PGGT1B: variants seen among roughly 807,000 people sequenced by gnomAD.
The protein encoded by PGGT1B is protein geranylgeranyltransferase type I subunit beta.
Under a neutral mutation model 46.1 loss-of-function variants are expected in PGGT1B, and 30 were observed. That is an observed-to-expected ratio of 0.65 (90% CI 0.49 to 0.88). The LOEUF is 0.88. PGGT1B is among the 40% of genes least tolerant of loss of function. The pLI is 0.00. For missense variants in PGGT1B, 376 were observed against 455.9 expected (o/e 0.82, Z 1.60); for synonymous variants, 170 against 160.0 (o/e 1.06, Z -0.47).
chr5:115,228,815 A>C (rs1348901101), intron 6 of PGGT1B, among the ~76,000 whole-genome samples: 1 of 152,212 alleles, frequency 6.6e-6, no homozygotes, highest in Non-Finnish European at 1.5e-5. Context: ...TAATAGCTCA[A>C]ATGCTTCAAT....
chr5:115,234,789 G>A (rs1426035427), intron 5 of PGGT1B, among the ~76,000 whole-genome samples: 2 of 151,924 alleles, frequency 1.3e-5, no homozygotes, highest in East Asian at 3.9e-4. Context: ...GAGCCCTGTG[G>A]TGTTAAGACT....
chr5:115,243,959 C>T (rs562374599), intron 2 of PGGT1B, among the ~76,000 whole-genome samples: 1 of 152,272 alleles, frequency 6.6e-6, no homozygotes, highest in African/African-American at 2.4e-5. Flanking sequence ...CTCTGCAATT[C>T]CATGACGAAC....
Position 115,208,500 on chromosome 5 carries a change from T to C in PGGT1B, c.*3902A>G, listed in dbSNP as rs764265433. 9 of 152,070 alleles carry C rather than the reference T, an allele frequency of 5.9e-5. No homozygotes were observed. The highest frequency in any genetic ancestry group is 1.0e-4 in the Non-Finnish European group (7 of 67,964). 9.4% of individuals were successfully genotyped at this position (152,070 alleles called of 1,614,324 possible). ...AATTTGCATTTTTCTCAAAATAGTT[T>C]TTGAATTTATTGTGTAAAATTGCTC... On this transcript the variant is annotated 3_prime_UTR_variant, in exon 9 of 9. Coordinates refer to ENST00000419445, the MANE Select transcript of PGGT1B (RefSeq NM_005023.4).
At position 115,241,563 on chromosome 5, in the gene PGGT1B, C is replaced by A. The variant is rs749595801; in HGVS notation, c.303G>T (p.Leu101=). 1 of 1,607,804 alleles carries A rather than the reference C, an allele frequency of 6.2e-7. No individual in the cohort carries two copies. Among genetic ancestry groups the A allele is most frequent in the East Asian group, 2.3e-5 (1 of 44,444 alleles). The change falls in exon 3 of 9, where the codon CTG becomes CTT. Residue 101 remains leucine, a synonymous_variant. Coordinates refer to ENST00000419445, the MANE Select transcript of PGGT1B (RefSeq NM_005023.4). ...NRCGFRGSSY[L]GIPFNPSKAP... ...CCTTTGATGGATTGAACGGAATACC[C>A]AGGTATGAAGAGCCTCGGAAACCAC...
At chr5:115,218,693 G>A (rs929052466) in intron 7 of PGGT1B, among the ~76,000 whole-genome samples, 1 of 151,450 alleles carries the variant, frequency 6.6e-6, no homozygotes, top group Admixed American at 6.6e-5. Context: ...AAATTGAGAA[G>A]GAATGAAAGA....
chr5:115,261,350 AT>A (rs747883304), intron 1 of PGGT1B, among the ~76,000 whole-genome samples: 3 of 152,146 alleles, frequency 2.0e-5, no homozygotes, highest in Non-Finnish European at 4.4e-5. Context: ...AGCTCACATT[AT>A]TCAACAAATA....
chr5:115,222,677 T>C (rs1274027203), intron 6 of PGGT1B, among the ~76,000 whole-genome samples: 2 of 152,196 alleles, frequency 1.3e-5, no homozygotes, highest in African/African-American at 4.8e-5. Flanking sequence ...CATGTACACA[T>C]ATGTTTATTG....
In PGGT1B at chr5:115,262,773, G is replaced by A; in HGVS notation, c.79C>T (p.Arg27Ter). The A allele has an allele frequency of 1.2e-6, 2 of 1,613,470 alleles. No individual in the cohort carries two copies. Among genetic ancestry groups the A allele is most frequent in the Non-Finnish European group, 1.7e-6 (2 of 1,179,792 alleles). ...RLDFLRDRHV[R>*]FFQRCLQVLP... ...ACCTGGAGGCAGCGCTGGAAAAATC[G>A]CACGTGCCGATCCCGTAAGAAATCC... Residue 27 changes from arginine (R) to a stop codon, truncating the protein, a stop_gained, in exon 1 of 9, where the codon CGA becomes TGA. Transcript: ENST00000419445. LOFTEE classifies it high-confidence loss of function.
intron 2 of PGGT1B, among the ~76,000 whole-genome samples, chr5:115,249,768 T>C (rs1020138109): frequency 6.6e-6 from 1 of 152,196 alleles, no homozygotes; most frequent in Non-Finnish European, 1.5e-5. Flanking sequence ...AAAACTCATA[T>C]CTAATATATA....
intron 1 of PGGT1B, among the ~76,000 whole-genome samples, chr5:115,257,897 G>A (rs1748391533): frequency 6.6e-6 from 1 of 152,190 alleles, no homozygotes; most frequent in African/African-American, 2.4e-5. Context: ...ACTTAATCAT[G>A]AAGTTAAAAT....
chr5:115,247,996 C>A (rs910953333), intron 2 of PGGT1B, among the ~76,000 whole-genome samples: 2 of 152,152 alleles, frequency 1.3e-5, no homozygotes, highest in Admixed American at 6.5e-5. Flanking sequence ...AAATATGCAA[C>A]ACGCTTGACT....
intron 2 of PGGT1B, among the ~76,000 whole-genome samples, chr5:115,242,624 C>A (rs1275777325): frequency 6.6e-6 from 1 of 152,164 alleles, no homozygotes; most frequent in African/African-American, 2.4e-5. Context: ...TAAATTTAAA[C>A]TCTCCACCAA....
intron 7 of PGGT1B, among the ~76,000 whole-genome samples, chr5:115,219,298 T>G (rs1311339765): frequency 6.6e-6 from 1 of 151,788 alleles, no homozygotes; most frequent in Non-Finnish European, 1.5e-5. Flanking sequence ...AAACCTCACA[T>G]ATATATAGTC....
chr5:115,226,289 AATTTCTGATTTCTAGATT>A (rs1376849562), intron 6 of PGGT1B, among the ~76,000 whole-genome samples: 1 of 152,114 alleles, frequency 6.6e-6, no homozygotes, highest in Admixed American at 6.6e-5. Flanking sequence ...GAACATTTCA[AATTTCTGATTTCTAGATT>A]AGGGAAGCTT....
intron 7 of PGGT1B, among the ~76,000 whole-genome samples, chr5:115,217,614 G>A (rs995160904): frequency 2.6e-5 from 4 of 151,882 alleles, no homozygotes; most frequent in African/African-American, 9.7e-5. Context: ...TGCACAGTAG[G>A]TAAGAGGGTT....
intron 2 of PGGT1B, among the ~76,000 whole-genome samples, chr5:115,246,077 C>T (rs927980743): frequency 9.2e-5 from 14 of 152,082 alleles, no homozygotes; most frequent in Admixed American, 3.9e-4. Context: ...TTAGGCCGGG[C>T]GCGGTGGCTC....
chr5:115,243,538 G>T (rs1757414663), intron 2 of PGGT1B, among the ~76,000 whole-genome samples: 1 of 152,170 alleles, frequency 6.6e-6, no homozygotes, highest in Admixed American at 6.5e-5. Flanking sequence ...TGAATGGTGT[G>T]AGATGATATG....
chr5:115,244,451 C>T (rs200836014), intron 2 of PGGT1B, among the ~76,000 whole-genome samples: 4 of 87,532 alleles, frequency 4.6e-5, no homozygotes, highest in South Asian at 5.0e-4. Flanking sequence ...GGCAACAGAG[C>T]GAGACTCTGT....
chr5:115,240,776 T>A (rs752694964), intron 3 of PGGT1B, among the ~76,000 whole-genome samples: 1 of 152,224 alleles, frequency 6.6e-6, no homozygotes, highest in Non-Finnish European at 1.5e-5. Context: ...TACTGGCTTA[T>A]AACCATTACA....
Sources: allele counts gnomAD v4.1 joint callset (sites outside exome capture counted in the v4.1 genomes callset), GRCh38; gene constraint gnomAD v4.1.1; transcripts MANE v1.5; gene names NCBI Gene and HGNC (gene_info 2026-07-23, HGNC 2026-07-21).